PRKCB: variants seen among roughly 807,000 people sequenced by gnomAD.
PRKCB encodes the protein protein kinase C beta.
Under a neutral mutation model 81.5 loss-of-function variants are expected in PRKCB, and 13 were observed. That is an observed-to-expected ratio of 0.16 (90% CI 0.10 to 0.25). The LOEUF is 0.25. PRKCB is among the 10% of genes least tolerant of loss of function. The probability of loss-of-function intolerance (pLI) is 1.00; values close to 1 mark genes in which losing one functional copy is unlikely to be tolerated. For synonymous variants in PRKCB, 335 were observed against 321.4 expected, an observed-to-expected ratio of 1.04 and a Z score of -0.45; for missense variants, 509 against 875.7, an observed-to-expected ratio of 0.58 and a Z score of 5.29.
At position 24,217,003 on chromosome 16, in the gene PRKCB, GA is replaced by G. The variant is rs1968237640; in HGVS notation, c.*2189del. Reference sequence around the variant, plus strand: ...CCATTTTGCTTGGACATGCTCTCAGGAAGATAAAAACCATGGAGAAACACTA... The same window carrying G: ...CCATTTTGCTTGGACATGCTCTCAGGAGATAAAAACCATGGAGAAACACTA... On this transcript the variant is annotated 3_prime_UTR_variant, in exon 17 of 17. Transcript: ENST00000643927. 3 of 985,198 alleles carry G rather than the reference GA, an allele frequency of 3.0e-6. No individual in the cohort carries two copies. The highest frequency in any genetic ancestry group is 3.6e-6 in the Non-Finnish European group (3 of 829,908). The allele number at this position is 985,198 out of a possible 1,614,324, so 61.0% of individuals were successfully genotyped here.
At chr16:24,100,223 C>T (rs1370297918) in intron 7 of PRKCB, among the ~76,000 whole-genome samples, 1 of 152,004 alleles carries the variant, frequency 6.6e-6, no homozygotes, top group East Asian at 1.9e-4. Flanking sequence ...TCTCTCATGG[C>T]TGATAATTCT....
intron 4 of PRKCB, among the ~76,000 whole-genome samples, chr16:24,033,333 G>A (rs1022915785): frequency 1.3e-5 from 2 of 152,168 alleles, no homozygotes; most frequent in African/African-American, 4.8e-5. Flanking sequence ...AAACACACAT[G>A]CATAGACAGA....
At chr16:24,139,812 G>T (rs1030977807) in intron 9 of PRKCB, among the ~76,000 whole-genome samples, 6 of 152,188 alleles carry the variant, frequency 3.9e-5, no homozygotes, top group Admixed American at 2.6e-4. Context: ...TAGCCAAGTT[G>T]TATCATCCGA....
rs1351902584 is a variant in PRKCB, at chr16:24,219,373, T to A, written c.*4557T>A. 2 of 985,340 alleles carry A rather than the reference T, an allele frequency of 2.0e-6. No homozygotes were observed. Among genetic ancestry groups the A allele is most frequent in the South Asian group, 4.7e-5 (1 of 21,278 alleles). 61.0% of individuals were successfully genotyped at this position (985,340 alleles called of 1,614,324 possible). On this transcript the variant is annotated 3_prime_UTR_variant, in exon 17 of 17. Transcript: ENST00000643927. ...GTCTTTGGAGAGAACTTCTGCCTGA[T>A]AAACACCCAATTCTAGACTGTGGGT...
intron 5 of PRKCB, among the ~76,000 whole-genome samples, chr16:24,043,962 T>C (rs547654270): frequency 2.0e-5 from 3 of 152,312 alleles, no homozygotes; most frequent in African/African-American, 7.2e-5. Flanking sequence ...AAATAAAATC[T>C]AGAACAAGCA....
At chr16:23,947,120 C>T (rs1001190256) in intron 2 of PRKCB, among the ~76,000 whole-genome samples, 7 of 152,266 alleles carry the variant, frequency 4.6e-5, no homozygotes, top group African/African-American at 9.6e-5. Flanking sequence ...CCTCCCAAAG[C>T]GCTGGCATTA....
At chr16:24,092,622 C>T (rs1005043059) in intron 5 of PRKCB, among the ~76,000 whole-genome samples, 169 bp from the exon 6 acceptor site, 1 of 152,172 alleles carries the variant, frequency 6.6e-6, no homozygotes, top group African/African-American at 2.4e-5. Flanking sequence ...GACATCTTAT[C>T]AGCCCATCTC....
intron 3 of PRKCB, among the ~76,000 whole-genome samples, chr16:24,021,121 C>CTTTCTTTCTTTCTTTCTTTT (rs1965379562): frequency 7.3e-6 from 1 of 136,362 alleles, no homozygotes. Context: ...CTCTCTCTTT[C>CTTTCTTTCTTTCTTTCTTTT]TTTCTTTCCT....
At chr16:24,193,392 C>G (rs2141981284) in intron 16 of PRKCB, among the ~76,000 whole-genome samples, 1 of 151,826 alleles carries the variant, frequency 6.6e-6, no homozygotes, top group African/African-American at 2.4e-5. Context: ...TTGCAGTGAG[C>G]TGAGATTGCG....
chr16:23,889,819 C>A (rs1963264037), intron 2 of PRKCB, among the ~76,000 whole-genome samples: 1 of 152,178 alleles, frequency 6.6e-6, no homozygotes, highest in Non-Finnish European at 1.5e-5. Context: ...TGCAGGATAA[C>A]CCAGTTCTAT....
At chr16:24,028,247 C>A (rs557601141) in intron 3 of PRKCB, among the ~76,000 whole-genome samples, 5 of 152,212 alleles carry the variant, frequency 3.3e-5, no homozygotes, top group African/African-American at 1.2e-4. Context: ...TGCCACTATG[C>A]CCAGCTAATT....
chr16:24,120,424 C>A (rs1966786843), intron 8 of PRKCB, among the ~76,000 whole-genome samples: 1 of 152,182 alleles, frequency 6.6e-6, no homozygotes, highest in South Asian at 2.1e-4. Flanking sequence ...GGAATATGCA[C>A]CCCATGAGGG....
chr16:23,932,402 G>A (rs1483674664), intron 2 of PRKCB, among the ~76,000 whole-genome samples: 1 of 152,180 alleles, frequency 6.6e-6, no homozygotes, highest in East Asian at 1.9e-4. Flanking sequence ...GCGATGCTAG[G>A]TGGGGAGGAA....
intron 16 of PRKCB, among the ~76,000 whole-genome samples, chr16:24,194,396 G>A (rs761682111): frequency 4.6e-5 from 7 of 151,814 alleles, no homozygotes; most frequent in African/African-American, 1.2e-4. Context: ...TTATATATCA[G>A]AACAAATTTT....
In PRKCB at chr16:24,220,262, C is replaced by G. The variant is rs1164093342; in HGVS notation, c.*5446C>G. On this transcript the variant is annotated 3_prime_UTR_variant, in exon 17 of 17. Transcript: ENST00000643927. ...AGAGGGCTTTTCTTTGTATGTGTAG[C>G]TTGCTAGTTTGTTTTCTACATTTGA... 22 of 910,716 alleles carry G rather than the reference C, an allele frequency of 2.4e-5. No individual in the cohort carries two copies. Among genetic ancestry groups the G allele is most frequent in the Non-Finnish European group, 3.2e-5 (20 of 620,620 alleles). The allele number at this position is 910,716 out of a possible 1,614,324, so 56.4% of individuals were successfully genotyped here.
intron 15 of PRKCB, 41 bp from the exon 16 acceptor site, chr16:24,191,049 T>G: frequency 6.2e-7 from 1 of 1,602,058 alleles, no homozygotes; most frequent in South Asian, 1.1e-5. Flanking sequence ...CATTTCCTCT[T>G]CTGAAACTCA....
rs550981535 is a variant in PRKCB at position 23,980,067 on chromosome 16, A to G, written c.206-8441A>G. On this transcript the variant is annotated intron_variant, in intron 2 of 16. Coordinates refer to ENST00000643927, the MANE Select transcript of PRKCB (RefSeq NM_002738.7). ...ACCATTGCACTCCAGCCTGGGTGAC[A>G]GAGCAAGACTTTGTCTCTATAAAAG... Among the ~76,000 whole-genome samples, 5 of 152,364 alleles carry G rather than the reference A, an allele frequency of 3.3e-5. No homozygotes were observed. The South Asian group carries it at 1.0e-3, about 32-fold the overall frequency.
intron 2 of PRKCB, among the ~76,000 whole-genome samples, chr16:23,898,491 C>T (rs1963416047): frequency 1.3e-5 from 2 of 151,946 alleles, no homozygotes; most frequent in Admixed American, 1.3e-4. Flanking sequence ...GACAGACAAG[C>T]AAATAATTAC....
In PRKCB at chr16:23,858,066, A is replaced by G. The variant is rs1324155343; in HGVS notation, c.205+20660A>G. On this transcript the variant is annotated intron_variant, in intron 2 of 16. Coordinates refer to ENST00000643927, the MANE Select transcript of PRKCB (RefSeq NM_002738.7). ...TGGTTTTAGGATTGTGTAACTTCAG[A>G]ATTGATGGTGACAATGACGTTGATG... Among the ~76,000 whole-genome samples, 3 of 151,434 alleles carry G rather than the reference A, an allele frequency of 2.0e-5. No individual in the cohort carries two copies. The East Asian group carries it at 5.8e-4, about 29-fold the overall frequency.
Sources: gnomAD v4.1 joint callset for allele counts (sites outside exome capture counted in the v4.1 genomes callset) on GRCh38, gnomAD v4.1.1 for gene constraint, MANE v1.5 for transcripts, NCBI Gene and HGNC (gene_info 2026-07-23, HGNC 2026-07-21) for gene names.